METTL16: variants seen among roughly 807,000 people sequenced by gnomAD.
METTL16 encodes the protein methyltransferase 16, RNA N6-adenosine.
A neutral mutation model predicts 57.9 loss-of-function variants in METTL16; 19 were observed. That is an observed-to-expected ratio of 0.33 (90% CI 0.23 to 0.48). The LOEUF is 0.48. Ranked by LOEUF, METTL16 falls within the 20% of genes least tolerant of loss-of-function variation. METTL16 has a pLI of 0.99. For synonymous variants in METTL16, 246 were observed against 255.6 expected (o/e 0.96, Z 0.36); for missense variants, 434 against 691.5 (o/e 0.63, Z 4.18).
rs1027189106 is a variant in METTL16, at chr17:2,505,484, A to C, written c.1-3153T>G. On this transcript the variant is annotated intron_variant, in intron 1 of 9. Coordinates refer to ENST00000263092, the MANE Select transcript of METTL16 (RefSeq NM_024086.4). ...GGTTGGTATTGAACTCCTGGCCTCA[A>C]GCAATCCTGCCACCTCAGCCTCCCA... is the stretch of plus-strand genomic sequence containing the variant. Among the ~76,000 whole-genome samples the C allele has an allele frequency of 2.9e-5, 4 of 137,746 alleles. No homozygotes were observed. The South Asian group carries it at 9.3e-4, about 32-fold the overall frequency. The allele number at this position is 137,746 out of a possible 152,430, so 90.4% of individuals were successfully genotyped here.
intron 6 of METTL16, 142 bp downstream of exon 6, chr17:2,464,066 T>C (rs1021263126): frequency 8.1e-6 from 6 of 738,348 alleles, no homozygotes; most frequent in Admixed American, 6.2e-5. Flanking sequence ...GAGGTTGCAG[T>C]GAGCTGAGAT....
rs564797281 is a variant in METTL16, at chr17:2,505,395, A to ATTT, written c.1-3067_1-3065dup. Among the ~76,000 whole-genome samples the ATTT allele has an allele frequency of 1.6e-3, 80 of 50,580 alleles. 8 individuals are homozygous for ATTT. Among genetic ancestry groups the ATTT allele is most frequent in the African/African-American group, 4.8e-3 (75 of 15,618 alleles). 33.2% of individuals were successfully genotyped at this position (50,580 alleles called of 152,430 possible). A position where few individuals can be genotyped will look rare whatever the true frequency, so the allele number is the denominator to read the frequency against. ...CCCCAACAATGTCAAGCCCAGAGGC[A>ATTT]TTTTTTTTTTTTTTTTTTTTTTTTT... is the stretch of plus-strand genomic sequence containing the variant. On this transcript the variant is annotated intron_variant, in intron 1 of 9. Coordinates refer to ENST00000263092, the MANE Select transcript of METTL16 (RefSeq NM_024086.4).
chr17:2,480,057 A>G (rs2067294141), intron 2 of METTL16, among the ~76,000 whole-genome samples: 2 of 151,836 alleles, frequency 1.3e-5, no homozygotes, highest in South Asian at 4.2e-4. Context: ...ATGGTGGCGC[A>G]TGCCTGTAAT....
intron 2 of METTL16, among the ~76,000 whole-genome samples, chr17:2,494,608 A>G (rs887106631): frequency 1.3e-5 from 2 of 152,188 alleles, no homozygotes; most frequent in African/African-American, 4.8e-5. Context: ...CAGGAGACTG[A>G]GGTAGGAGGA....
At position 2,419,735 on chromosome 17, in the gene METTL16, C is replaced by A; in HGVS notation, c.*235G>T. 1 of 684,414 alleles carries A rather than the reference C, an allele frequency of 1.5e-6. No individual in the cohort carries two copies. Among genetic ancestry groups the A allele is most frequent in the South Asian group, 1.5e-5 (1 of 66,642 alleles). The allele number at this position is 684,414 out of a possible 1,614,324, so 42.4% of individuals were successfully genotyped here. On this transcript the variant is annotated 3_prime_UTR_variant, in exon 10 of 10. Coordinates refer to ENST00000263092, the MANE Select transcript of METTL16 (RefSeq NM_024086.4). ...CCCTCGGGAGTTTACTGAGGGCTTT[C>A]TGTTGTTACTGATGACCACAATTCC...
intron 2 of METTL16, among the ~76,000 whole-genome samples, chr17:2,494,069 A>G (rs2067422328): frequency 1.3e-5 from 2 of 152,166 alleles, no homozygotes; most frequent in African/African-American, 4.8e-5. Context: ...TGTTTTTGAC[A>G]GAGTCTCGCT....
In METTL16 at chr17:2,502,219, A is replaced by C; in HGVS notation, c.113T>G (p.Leu38Arg). The change falls in exon 2 of 10, where the codon CTG becomes CGG. Residue 38 changes from leucine to arginine, a missense_variant. Physicochemically the swap from Leu to Arg is moderately radical, Grantham distance 102 (BLOSUM62 -2). Transcript: ENST00000263092. ...PDFKQHVQIN[L>R]NGRVSLNFKD... ...CGTTACCTACCTCACTCTTCCATTCAGATTTATCTGAACATGCTGCTTAAA... is the reference window on the plus strand; with the variant it reads ...CGTTACCTACCTCACTCTTCCATTCCGATTTATCTGAACATGCTGCTTAAA... 6.2e-7 allele frequency: 1 copy of C among 1,613,736 alleles called. No homozygotes were observed. Among genetic ancestry groups the C allele is most frequent in the Admixed American group, 1.7e-5 (1 of 59,990 alleles).
In METTL16 at chr17:2,420,206, T is replaced by G. The variant is rs760635984; in HGVS notation, c.1453A>C (p.Asn485His). The change falls in exon 10 of 10, where the codon AAC (asparagine) becomes CAC (histidine). Residue 485 changes from asparagine (N) to histidine (H), a missense_variant. Coordinates refer to ENST00000263092, the MANE Select transcript of METTL16 (RefSeq NM_024086.4). This position sits in a 1 kb window ranked among gnomAD's most constrained non-coding sequence, Gnocchi z 5.4. ...GAAGCCTCTTGGTCCTGGGCTCCGT[T>G]GCTAGAGCCTTGACAACTTTCCAAA... ...EVLESCQGSS[N>H]GAQDQEASEQ... is the part of the protein sequence containing the mutation. The G allele has an allele frequency of 2.5e-5, 40 of 1,614,112 alleles. No homozygotes were observed. The highest frequency in any genetic ancestry group is 3.2e-5 in the Non-Finnish European group (38 of 1,180,042).
At chr17:2,438,064 A>G in intron 8 of METTL16, 45 bp downstream of exon 8, 1 of 1,385,976 alleles carries the variant, frequency 7.2e-7, no homozygotes. Context: ...ACTGAAACCC[A>G]CCATGTGCTG....
At chr17:2,475,845 G>A (rs1350799460) in intron 3 of METTL16, among the ~76,000 whole-genome samples, 1 of 152,158 alleles carries the variant, frequency 6.6e-6, no homozygotes, top group Non-Finnish European at 1.5e-5. Context: ...GTGAAGAATT[G>A]AAATCCATTA....
At chr17:2,472,150 T>A (rs1162739748) in intron 4 of METTL16, among the ~76,000 whole-genome samples, 1 of 146,380 alleles carries the variant, frequency 6.8e-6, no homozygotes, top group Non-Finnish European at 1.5e-5. Context: ...TGAACAGACA[T>A]CTCACCAAAA....
At chr17:2,439,095 G>GT (rs2066928729) in intron 7 of METTL16, among the ~76,000 whole-genome samples, 1 of 152,088 alleles carries the variant, frequency 6.6e-6, no homozygotes, top group South Asian at 2.1e-4. Context: ...GGCGGTGGGA[G>GT]TATTTATTTT....
intron 5 of METTL16, among the ~76,000 whole-genome samples, chr17:2,467,304 G>A (rs28436908): frequency 0.33 from 50,506 of 152,070 alleles, 10,534 homozygotes; most frequent in African/African-American, 0.59. Flanking sequence ...GCTTGAGTCC[G>A]GATGTTCAAG....
intron 6 of METTL16, among the ~76,000 whole-genome samples, chr17:2,447,915 CCCGCCCGG>C: frequency 9.7e-6 from 1 of 103,480 alleles, no homozygotes; most frequent in African/African-American, 4.8e-5. Context: ...GGGTCAGCCC[CCCGCCCGG>C]CCAGCCGCCC....
At chr17:2,461,080 C>T (rs1328882481) in intron 6 of METTL16, among the ~76,000 whole-genome samples, 2 of 151,970 alleles carry the variant, frequency 1.3e-5, no homozygotes, top group Non-Finnish European at 2.9e-5. Context: ...AGACTGGGTG[C>T]GGTGGCTCGC....
chr17:2,497,781 C>T (rs1382519377), intron 2 of METTL16, among the ~76,000 whole-genome samples: 1 of 150,618 alleles, frequency 6.6e-6, no homozygotes, highest in Admixed American at 6.6e-5. Context: ...GGCTGGAGTG[C>T]AGTGGCGCGA....
At chr17:2,490,131 AG>A (rs113952586) in intron 2 of METTL16, among the ~76,000 whole-genome samples, 1 of 152,238 alleles carries the variant, frequency 6.6e-6, no homozygotes, top group Non-Finnish European at 1.5e-5. Context: ...AAAGTCTGGA[AG>A]GTAAGTAGGG....
chr17:2,449,024 T>C (rs2151555657), intron 6 of METTL16, among the ~76,000 whole-genome samples: 1 of 142,160 alleles, frequency 7.0e-6, no homozygotes, highest in African/African-American at 2.6e-5. Context: ...AGACTCCGTC[T>C]CAAAAAAAAA....
chr17:2,478,119 G>C lies in METTL16; in HGVS notation c.129-234C>G, dbSNP rs375375446. On this transcript the variant is annotated intron_variant, in intron 2 of 9. Coordinates refer to ENST00000263092, the MANE Select transcript of METTL16 (RefSeq NM_024086.4). ...ACTGCATATCCGTATATGGAGCACAGAGATTAAATGACTCGGCTCAAATTC... is the reference window on the plus strand; with the variant it reads ...ACTGCATATCCGTATATGGAGCACACAGATTAAATGACTCGGCTCAAATTC... Among the ~76,000 whole-genome samples the C allele has an allele frequency of 1.2e-3, 176 of 152,278 alleles. 4 individuals are homozygous for C. In the South Asian group the frequency reaches 0.035, roughly 30 times the overall value.
Sources: allele counts gnomAD v4.1 joint callset (sites outside exome capture counted in the v4.1 genomes callset), GRCh38; gene constraint gnomAD v4.1.1; non-coding constraint Gnocchi (gnomAD v3.1); transcripts MANE v1.5; gene names NCBI Gene and HGNC (gene_info 2026-07-23, HGNC 2026-07-21).